CHLSN: variants seen among roughly 807,000 people sequenced by gnomAD.
CHLSN encodes the protein cholesin, also known as protein cholesin.
the CHLSN span, among the ~76,000 whole-genome samples, chr7:1,097,805 C>T: frequency 2.1e-4 from 32 of 152,298 alleles, no homozygotes; most frequent in Admixed American, 2.0e-3. The surrounding 1 kb of genome is among the most constrained non-coding windows in gnomAD (Gnocchi z 4.3). Flanking sequence ...GAGAAGGGTG[C>T]GTCTCGTGCT....
At chr7:1,090,376 G>A in the CHLSN span, among the ~76,000 whole-genome samples, 8 of 152,294 alleles carry the variant, frequency 5.3e-5, no homozygotes, top group Admixed American at 3.3e-4. Context: ...ACAGTGACAC[G>A]GGGCAGGTGA....
At chr7:1,137,274 A>C in the CHLSN span, 1 of 152,314 alleles carries the variant, frequency 6.6e-6, no homozygotes, top group African/African-American at 2.4e-5. Context: ...CTTCCTTTCC[A>C]TTCTCAAAAC....
the CHLSN span, among the ~76,000 whole-genome samples, chr7:1,059,992 G>GGGCGGGTCTGTAGTGA: frequency 7.3e-6 from 1 of 137,266 alleles, no homozygotes; most frequent in Non-Finnish European, 1.6e-5. Flanking sequence ...GGTCTTAGTG[G>GGGCGGGTCTGTAGTGA]GGCGGGTCTG....
the CHLSN span, among the ~76,000 whole-genome samples, chr7:991,181 GGACACCAAGTACAGGGTGATGAGT>G: frequency 6.6e-6 from 1 of 152,130 alleles, no homozygotes; most frequent in Non-Finnish European, 1.5e-5. Flanking sequence ...CCGACATGAG[GGACACCAAGTACAGGGTGATGAGT>G]GACGGCTGAG....
At chr7:1,010,186 T>A in the CHLSN span, 1 of 1,560,396 alleles carries the variant, frequency 6.4e-7, no homozygotes, top group Non-Finnish European at 8.7e-7. Context: ...ATGGAGGGTA[T>A]CCAGAGACGG....
At chr7:978,469 A>C in the CHLSN span, among the ~76,000 whole-genome samples, 1 of 152,188 alleles carries the variant, frequency 6.6e-6, no homozygotes, top group Non-Finnish European at 1.5e-5. Context: ...CAGTGAACCA[A>C]GATCGCACCA....
the CHLSN span, among the ~76,000 whole-genome samples, chr7:1,108,616 C>T: frequency 3.3e-5 from 5 of 152,336 alleles, no homozygotes; most frequent in South Asian, 2.1e-4. Flanking sequence ...CATGTGTCTC[C>T]GCCAGCTAAA....
chr7:1,042,171 A>AGG, the CHLSN span, among the ~76,000 whole-genome samples: 1 of 151,992 alleles, frequency 6.6e-6, no homozygotes, highest in Non-Finnish European at 1.5e-5. Flanking sequence ...CACGGCACAC[A>AGG]ACCACAGAGG....
At chr7:1,016,959 G>GCAGCACA in the CHLSN span, among the ~76,000 whole-genome samples, 1 of 141,776 alleles carries the variant, frequency 7.1e-6, no homozygotes, top group African/African-American at 2.8e-5. Context: ...CCAGCGCACA[G>GCAGCACA]CAGCACACGC....
At chr7:1,127,989 C>G in the CHLSN span, among the ~76,000 whole-genome samples, 1 of 30,180 alleles carries the variant, frequency 3.3e-5, no homozygotes, top group Non-Finnish European at 5.6e-5. Context: ...GATCTCGGCT[C>G]ATCCCACCGT....
At chr7:1,022,143 A>C in the CHLSN span, among the ~76,000 whole-genome samples, 1 of 152,182 alleles carries the variant, frequency 6.6e-6, no homozygotes, top group East Asian at 1.9e-4. Flanking sequence ...GCCCCGCTGC[A>C]CTGTTCGTGA....
At chr7:1,041,571 T>C in the CHLSN span, among the ~76,000 whole-genome samples, 1 of 152,224 alleles carries the variant, frequency 6.6e-6, no homozygotes, top group African/African-American at 2.4e-5. Context: ...GTCTCACTTA[T>C]GCTAAGGCTC....
At chr7:1,037,407 G>A in the CHLSN span, among the ~76,000 whole-genome samples, 123 of 127,488 alleles carry the variant, frequency 9.6e-4, 14 homozygotes, top group Non-Finnish European at 7.3e-4. Context: ...GGTGCGCGCC[G>A]CCACGCCTGA....
the CHLSN span, chr7:987,618 G>T: frequency 7.7e-7 from 1 of 1,298,702 alleles, no homozygotes; most frequent in Non-Finnish European, 1.0e-6. Context: ...CTGAGCGTCT[G>T]GTGGGTGCCT....
the CHLSN span, among the ~76,000 whole-genome samples, chr7:1,108,895 A>ATTTTTT: frequency 6.2e-4 from 80 of 129,496 alleles, no homozygotes; most frequent in African/African-American, 2.2e-3. Flanking sequence ...TCTCCCAGGC[A>ATTTTTT]TTTTTTTTTT....
the CHLSN span, among the ~76,000 whole-genome samples, chr7:1,002,422 C>T: frequency 1.2e-5 from 1 of 80,912 alleles, no homozygotes; most frequent in East Asian, 4.0e-4. Flanking sequence ...GGTGGGGAGT[C>T]CTGTGGGTGG....
chr7:1,043,237 AAAT>A, the CHLSN span, among the ~76,000 whole-genome samples: 1 of 152,202 alleles, frequency 6.6e-6, no homozygotes, highest in Admixed American at 6.5e-5. Context: ...TAAAAAAAAA[AAAT>A]ATTAAAATGC....
the CHLSN span, among the ~76,000 whole-genome samples, chr7:1,119,875 C>CAAAAA: frequency 2.5e-5 from 3 of 117,882 alleles, no homozygotes; most frequent in African/African-American, 8.7e-5. Flanking sequence ...GAAACTCCGT[C>CAAAAA]AAAAAAAAAA....
the CHLSN span, among the ~76,000 whole-genome samples, chr7:1,019,639 T>C: frequency 3.3e-5 from 5 of 152,202 alleles, no homozygotes; most frequent in Non-Finnish European, 7.4e-5. Context: ...GCCTAGTGGC[T>C]GCAGGAAGCT....
Sources: gnomAD v4.1 joint callset for allele counts (sites outside exome capture counted in the v4.1 genomes callset) on GRCh38, gnomAD v4.1.1 for gene constraint, Gnocchi (gnomAD v3.1) non-coding constraint, MANE v1.5 for transcripts, NCBI Gene and HGNC (gene_info 2026-07-23, HGNC 2026-07-21) for gene names.